The following CTIF variants were observed in gnomAD, a reference collection of about 807,000 sequenced individuals.
The protein encoded by CTIF is cap binding complex dependent translation initiation factor.
A neutral mutation model predicts 66.0 loss-of-function variants in CTIF; 21 were observed. The observed-to-expected ratio is 0.32, with a 90% CI of 0.23 to 0.46. The LOEUF (loss-of-function observed/expected upper bound fraction) is 0.46. CTIF is among the 20% of genes least tolerant of loss of function. CTIF has a pLI of 1.00. For synonymous variants in CTIF, 345 were observed against 326.4 expected, an observed-to-expected ratio of 1.06 and a Z score of -0.62; for missense variants, 739 against 812.7, an observed-to-expected ratio of 0.91 and a Z score of 1.10.
chr18:48,664,947 G>A (rs1174401900), intron 5 of CTIF, among the ~76,000 whole-genome samples: 17 of 134,226 alleles, frequency 1.3e-4, no homozygotes, highest in African/African-American at 3.0e-4. Flanking sequence ...TCGCTCTGTC[G>A]CCCAGGCCGG....
chr18:48,560,278 G>A (rs2089125346), intron 1 of CTIF, among the ~76,000 whole-genome samples: 1 of 150,790 alleles, frequency 6.6e-6, no homozygotes, highest in South Asian at 2.1e-4. Flanking sequence ...CCAGGCCGGA[G>A]TGAAGTGGTG....
intron 9 of CTIF, among the ~76,000 whole-genome samples, chr18:48,816,232 G>T (rs75869771): frequency 6.6e-6 from 1 of 152,016 alleles, no homozygotes; most frequent in African/African-American, 2.4e-5. Flanking sequence ...AATATTTAAC[G>T]CCTCACATCA....
At chr18:48,594,139 G>A (rs2089946237) in intron 1 of CTIF, among the ~76,000 whole-genome samples, 1 of 151,500 alleles carries the variant, frequency 6.6e-6, no homozygotes, top group Non-Finnish European at 1.5e-5. Flanking sequence ...AACTGTGGCT[G>A]CAGTCTGGCC....
chr18:48,847,704 A>G (rs2069111035), intron 10 of CTIF, among the ~76,000 whole-genome samples: 2 of 152,180 alleles, frequency 1.3e-5, no homozygotes, highest in African/African-American at 4.8e-5. Flanking sequence ...CGTTATTTCA[A>G]TTGACTCTCC....
At chr18:48,813,906 G>A (rs992779407) in intron 9 of CTIF, among the ~76,000 whole-genome samples, 3 of 152,208 alleles carry the variant, frequency 2.0e-5, no homozygotes, top group African/African-American at 7.2e-5. Context: ...TAAGGGTGGT[G>A]CAGATGGGAG....
Position 48,861,632 on chromosome 18 carries a change from G to A in CTIF, c.*2073G>A, listed in dbSNP as rs575769496. On this transcript the variant is annotated 3_prime_UTR_variant, in exon 12 of 12. Coordinates refer to ENST00000256413, the MANE Select transcript of CTIF (RefSeq NM_014772.3). Reference sequence around the variant, plus strand: ...CCGAAGAGAGGAGAGACCTGGGAGTGGGAGCTCAGGTCAGGGAGGAGGCAG... The same window carrying A: ...CCGAAGAGAGGAGAGACCTGGGAGTAGGAGCTCAGGTCAGGGAGGAGGCAG... The A allele has an allele frequency of 6.5e-6, 1 of 152,686 alleles. No homozygotes were observed. The highest frequency in any genetic ancestry group is 1.9e-4 in the East Asian group (1 of 5,184). 9.5% of individuals were successfully genotyped at this position (152,686 alleles called of 1,614,324 possible).
chr18:48,774,998 C>T (rs1453830355), intron 9 of CTIF, among the ~76,000 whole-genome samples: 2 of 152,118 alleles, frequency 1.3e-5, no homozygotes, highest in Non-Finnish European at 2.9e-5. Context: ...GGAGTAATAT[C>T]TCTAAAGTGG....
chr18:48,738,854 G>A (rs2092528198), intron 7 of CTIF, among the ~76,000 whole-genome samples: 1 of 152,234 alleles, frequency 6.6e-6, no homozygotes, highest in South Asian at 2.1e-4. Context: ...GTAAGTGAAT[G>A]AATGGACAAG....
chr18:48,832,595 C>T (rs1213139290), intron 10 of CTIF, among the ~76,000 whole-genome samples: 1 of 152,168 alleles, frequency 6.6e-6, no homozygotes, highest in South Asian at 2.1e-4. Flanking sequence ...CACAGCAGCT[C>T]GACAGAAATC....
At chr18:48,834,220 C>T (rs546984955) in intron 10 of CTIF, among the ~76,000 whole-genome samples, 3 of 152,186 alleles carry the variant, frequency 2.0e-5, no homozygotes, top group African/African-American at 4.8e-5. Context: ...GGAGAGCAAG[C>T]GCCTCCACTC....
intron 3 of CTIF, chr18:48,662,482 C>T (rs2091362802): frequency 6.6e-6 from 1 of 152,110 alleles, no homozygotes; most frequent in East Asian, 1.9e-4. Flanking sequence ...TCTCCCCAGA[C>T]AGTCCTCTTG....
At chr18:48,718,882 A>G (rs2092307111) in intron 7 of CTIF, among the ~76,000 whole-genome samples, 1 of 152,158 alleles carries the variant, frequency 6.6e-6, no homozygotes, top group Non-Finnish European at 1.5e-5. Flanking sequence ...TTCCCGAGGC[A>G]TGAAGGTGAG....
intron 3 of CTIF, among the ~76,000 whole-genome samples, chr18:48,647,892 A>G (rs2144735580): frequency 6.6e-6 from 1 of 152,274 alleles, no homozygotes. Flanking sequence ...AAAGGACAGA[A>G]CTTTGGGGCC....
At chr18:48,730,399 G>A (rs1293845200) in intron 7 of CTIF, among the ~76,000 whole-genome samples, 1 of 139,874 alleles carries the variant, frequency 7.1e-6, no homozygotes, top group Non-Finnish European at 1.6e-5. Context: ...GCTGTGTGAG[G>A]GGCTTCCACG....
chr18:48,563,325 G>C (rs2089205917), intron 1 of CTIF, among the ~76,000 whole-genome samples: 2 of 152,226 alleles, frequency 1.3e-5, no homozygotes, highest in African/African-American at 4.8e-5. Flanking sequence ...GTAGTGGTTT[G>C]AAGGTGACTT....
chr18:48,808,463 C>T (rs2068195028), intron 9 of CTIF, among the ~76,000 whole-genome samples: 1 of 150,762 alleles, frequency 6.6e-6, no homozygotes, highest in South Asian at 2.1e-4. Context: ...AGAAAGCCCC[C>T]CTCCTTCCAG....
intron 3 of CTIF, among the ~76,000 whole-genome samples, chr18:48,657,920 G>T (rs940390615): frequency 1.3e-5 from 2 of 152,120 alleles, no homozygotes; most frequent in African/African-American, 4.8e-5. Context: ...CAGCTTGACA[G>T]CCACCTCTCT....
At chr18:48,842,803 C>G (rs2068977359) in intron 10 of CTIF, among the ~76,000 whole-genome samples, 1 of 152,232 alleles carries the variant, frequency 6.6e-6, no homozygotes, top group African/African-American at 2.4e-5. Context: ...AATGCCTTTG[C>G]AGGCAGCTAG....
chr18:48,573,554 A>T (rs367891488), intron 1 of CTIF, among the ~76,000 whole-genome samples: 3 of 152,378 alleles, frequency 2.0e-5, no homozygotes, highest in East Asian at 1.9e-4. Flanking sequence ...AAAAGTAAGC[A>T]TTCTAATATT....
Sources: gnomAD v4.1 joint callset for allele counts (sites outside exome capture counted in the v4.1 genomes callset) on GRCh38, gnomAD v4.1.1 for gene constraint, MANE v1.5 for transcripts, NCBI Gene and HGNC (gene_info 2026-07-23, HGNC 2026-07-21) for gene names.